Variants in GRHL3 observed in about 807,000 individuals in gnomAD.
GRHL3 encodes grainyhead like transcription factor 3.
A neutral mutation model predicts 70.3 loss-of-function variants in GRHL3; 20 were observed. The ratio of observed to expected loss-of-function variants is 0.28; its 90% confidence interval spans 0.20 to 0.41. The LOEUF is 0.41. Ranked by LOEUF, GRHL3 falls within the 10% of genes least tolerant of loss-of-function variation. The pLI is 1.00. For synonymous variants in GRHL3, 299 were observed against 299.9 expected (o/e 1.00, Z 0.03); for missense variants, 637 against 762.3 (o/e 0.84, Z 1.94).
In GRHL3 at chr1:24,337,126, C is replaced by T. The variant is rs1197416225; in HGVS notation, c.661C>T (p.Pro221Ser). Residue 221 changes from proline to serine, a missense_variant, in exon 5 of 16, where the codon CCA (proline) becomes TCA (serine). By Grantham distance (74) the Pro-to-Ser change is moderately conservative. This residue lies in a region of GRHL3 where 387 missense variants were observed against 513.8 expected (regional missense o/e 0.75). Coordinates refer to ENST00000361548, the MANE Select transcript of GRHL3 (RefSeq NM_198173.3). ...GAAAACCTCCCCGGAACCCCCATGT[C>T]CAGAGGACTACCCCAGCCTCAAAAG... Reference protein sequence around the residue: ...ILKTSPEPPCPEDYPSLKSDF... With the variant: ...ILKTSPEPPCSEDYPSLKSDF... 1.2e-6 allele frequency: 2 copies of T among 1,614,020 alleles called. No homozygotes were observed. The highest frequency in any genetic ancestry group is 3.3e-5 in the Admixed American group (2 of 60,022).
rs2148669404 is a variant in GRHL3, at chr1:24,354,563, C to T, written c.*75C>T. ...CGTGGCCCCACGCCACACACAACCT[C>T]TCCACATGCCTCAGCGCTGTTACTT... On this transcript the variant is annotated 3_prime_UTR_variant, in exon 16 of 16. Coordinates refer to ENST00000361548, the MANE Select transcript of GRHL3 (RefSeq NM_198173.3). The T allele has an allele frequency of 4.5e-6, 4 of 881,696 alleles. No homozygotes were observed. The highest frequency in any genetic ancestry group is 2.7e-5 in the South Asian group (2 of 73,074). The allele number at this position is 881,696 out of a possible 1,614,324, so 54.6% of individuals were successfully genotyped here.
intron 1 of GRHL3, among the ~76,000 whole-genome samples, chr1:24,329,211 A>G (rs1479118173): frequency 6.6e-6 from 1 of 152,046 alleles, no homozygotes; most frequent in African/African-American, 2.4e-5. Context: ...AGCTCCTCAC[A>G]CCTTGGGGCC....
intron 1 of GRHL3, among the ~76,000 whole-genome samples, chr1:24,327,824 C>G (rs992742926): frequency 1.3e-5 from 2 of 152,160 alleles, no homozygotes. Context: ...TTTTCCCCCT[C>G]TCTCACCTAC....
At chr1:24,331,710 C>T in intron 2 of GRHL3, 98 bp downstream of exon 2, 2 of 1,033,060 alleles carry the variant, frequency 1.9e-6, no homozygotes, top group South Asian at 1.6e-5. Context: ...ACCCCAGCCC[C>T]TCATCTCTGG....
At chr1:24,364,055 C>A in intron 15 of GRHL3, 1 of 1,323,526 alleles carries the variant, frequency 7.6e-7, no homozygotes, top group Non-Finnish European at 9.8e-7. Flanking sequence ...TTCCGTTTTA[C>A]CTTCCAGAAA....
intron 1 of GRHL3, chr1:24,323,025 C>G: frequency 1.3e-6 from 2 of 1,528,488 alleles, no homozygotes; most frequent in Non-Finnish European, 1.8e-6. Context: ...TGCTTAGCCT[C>G]TGAAAAGAAG....
At chr1:24,353,405 G>A (rs1396609704) in intron 15 of GRHL3, among the ~76,000 whole-genome samples, 3 of 152,118 alleles carry the variant, frequency 2.0e-5, no homozygotes, top group African/African-American at 7.2e-5. Flanking sequence ...GGATGGGTGG[G>A]GGTGTGGGTA....
chr1:24,345,173 G>A (rs1640219686), intron 12 of GRHL3, among the ~76,000 whole-genome samples: 2 of 32,418 alleles, frequency 6.2e-5, no homozygotes, highest in Non-Finnish European at 5.5e-5. Flanking sequence ...CCACACCTGT[G>A]CCCCCTCTAC....
Position 24,321,947 on chromosome 1 carries a change from G to C in GRHL3, c.17+2379G>C, listed in dbSNP as rs1639205974. On this transcript the variant is annotated intron_variant, in intron 1 of 15. Coordinates refer to ENST00000361548, the MANE Select transcript of GRHL3 (RefSeq NM_198173.3). The surrounding 1 kb of genome is among the most constrained non-coding windows in gnomAD (Gnocchi z 4.0). ...TCCTGGGCTGCGGCCGAGGGCGCCGGAAGTCGCCGCCGACCGCCTGGGTCT... is the reference window on the plus strand; with the variant it reads ...TCCTGGGCTGCGGCCGAGGGCGCCGCAAGTCGCCGCCGACCGCCTGGGTCT... 6.6e-6 allele frequency: 1 copy of C among 152,296 alleles called. No individual in the cohort carries two copies. The highest frequency in any genetic ancestry group is 1.5e-5 in the Non-Finnish European group (1 of 68,018). The allele number at this position is 152,296 out of a possible 1,614,324, so 9.4% of individuals were successfully genotyped here.
chr1:24,331,869 T>A (rs936989716), intron 2 of GRHL3, among the ~76,000 whole-genome samples: 1 of 152,224 alleles, frequency 6.6e-6, no homozygotes, highest in Admixed American at 6.5e-5. Context: ...GCAACCACCA[T>A]CGTCGTCCTT....
At chr1:24,355,409 T>C (rs1360934485), downstream of GRHL3, 1 of 152,374 alleles carries the variant, frequency 6.6e-6, no homozygotes, top group Non-Finnish European at 1.5e-5. Context: ...CTCCCTTCGC[T>C]CTGGCTCTGT....
In GRHL3 at chr1:24,354,578, C is replaced by T. The variant is rs939556073; in HGVS notation, c.*90C>T. On this transcript the variant is annotated 3_prime_UTR_variant, in exon 16 of 16. Coordinates refer to ENST00000361548, the MANE Select transcript of GRHL3 (RefSeq NM_198173.3). ...CACACAACCTCTCCACATGCCTCAG[C>T]GCTGTTACTTGAATGCCTTCCCTGA... 3.9e-5 allele frequency: 31 copies of T among 795,930 alleles called. No homozygotes were observed. The highest frequency in any genetic ancestry group is 1.4e-4 in the Admixed American group (7 of 48,494). 49.3% of individuals were successfully genotyped at this position (795,930 alleles called of 1,614,324 possible).
Position 24,346,652 on chromosome 1 carries a change from GC to G in GRHL3, c.1543+14del. 6.2e-7 allele frequency: 1 copy of G among 1,601,890 alleles called. No individual in the cohort carries two copies. The highest frequency in any genetic ancestry group is 1.1e-5 in the South Asian group (1 of 90,314). Reference sequence around the variant, plus strand: ...GCGACCTTCAGAGAGGTGACCTCCCGCCCTCCTCATTTACTCACCAGGCCCA... The same window carrying G: ...GCGACCTTCAGAGAGGTGACCTCCCGCCTCCTCATTTACTCACCAGGCCCA... On this transcript the variant is annotated intron_variant, in intron 13 of 15. Coordinates refer to ENST00000361548, the MANE Select transcript of GRHL3 (RefSeq NM_198173.3).
chr1:24,319,652 C>T (rs1410621474), intron 1 of GRHL3, 84 bp downstream of exon 1: 4 of 1,610,706 alleles, frequency 2.5e-6, no homozygotes, highest in Non-Finnish European at 2.5e-6. Context: ...GCGGGGAGGC[C>T]GGCACCGGGA....
At chr1:24,348,054 C>T (rs375121950) in intron 14 of GRHL3, among the ~76,000 whole-genome samples, 9 of 152,304 alleles carry the variant, frequency 5.9e-5, no homozygotes, top group African/African-American at 2.2e-4. Flanking sequence ...CTGAATAAAA[C>T]CCATAGCCAG....
chr1:24,347,305 A>C (rs952080955), intron 13 of GRHL3, among the ~76,000 whole-genome samples, 163 bp from the exon 14 acceptor site: 15 of 152,246 alleles, frequency 9.9e-5, no homozygotes, highest in Non-Finnish European at 1.3e-4. Context: ...GCACAGCTTA[A>C]GAGGGTGCAT....
chr1:24,339,446 A>G (rs2148658203), intron 7 of GRHL3, among the ~76,000 whole-genome samples: 1 of 152,006 alleles, frequency 6.6e-6, no homozygotes, highest in South Asian at 2.1e-4. Flanking sequence ...TGCCCAGCTA[A>G]TTTTTTGTAT....
intron 1 of GRHL3, chr1:24,323,209 AAG>A: frequency 1.3e-6 from 1 of 776,198 alleles, no homozygotes; most frequent in Non-Finnish European, 2.2e-6. Context: ...ATTATTTTGA[AAG>A]AGAACACCTA....
At chr1:24,356,632 T>C (rs1262778293), downstream of GRHL3, among the ~76,000 whole-genome samples, 2 of 152,216 alleles carry the variant, frequency 1.3e-5, no homozygotes, top group African/African-American at 4.8e-5. Context: ...GCCCTCAGTT[T>C]CTTTGGCTAT....
Sources: allele counts gnomAD v4.1 joint callset (sites outside exome capture counted in the v4.1 genomes callset), GRCh38; gene constraint gnomAD v4.1.1; regional missense constraint gnomAD v4.1.1; non-coding constraint Gnocchi (gnomAD v3.1); transcripts MANE v1.5; gene names NCBI Gene and HGNC (gene_info 2026-07-23, HGNC 2026-07-21).